Variants in THOC1 observed in about 807,000 individuals in gnomAD.
THOC1 encodes THO complex subunit 1.
THOC1 carries 29 observed loss-of-function variants against 97.3 expected under a neutral mutation model. That is an observed-to-expected ratio of 0.30 (90% CI 0.22 to 0.41). THOC1 has a LOEUF of 0.41. THOC1 is among the 10% of genes least tolerant of loss of function. The pLI is 1.00. For missense variants in THOC1, 529 were observed against 761.9 expected, an observed-to-expected ratio of 0.69 and a Z score of 3.60; for synonymous variants, 255 against 257.0, an observed-to-expected ratio of 0.99 and a Z score of 0.07.
At chr18:251,056 C>A (rs1912262433) in intron 9 of THOC1, among the ~76,000 whole-genome samples, 2 of 152,194 alleles carry the variant, frequency 1.3e-5, no homozygotes, top group African/African-American at 2.4e-5. Context: ...AGACAATATT[C>A]TAAGTGCTTT....
chr18:227,809 C>T (rs1034457838), intron 11 of THOC1, among the ~76,000 whole-genome samples: 35 of 152,060 alleles, frequency 2.3e-4, no homozygotes, highest in Admixed American at 6.6e-5. Context: ...CTGGAAGCGT[C>T]GAAGATTGGT....
chr18:264,466 G>T (rs1173959057), intron 3 of THOC1, among the ~76,000 whole-genome samples: 1 of 152,152 alleles, frequency 6.6e-6, no homozygotes, highest in Non-Finnish European at 1.5e-5. Flanking sequence ...TGTGTCTGAG[G>T]GGTGGTTTTA....
chr18:265,335 G>A lies in THOC1; in HGVS notation c.157C>T (p.Gln53Ter). ...TCTTCTAGAATACCTCTGAAAGCTT[G>A]GTCAAGGGTACATTTTTTTTCATTT... ...SENEKKCTLD[Q>*]AFRGILEEEI... The change falls in exon 3 of 21, where the codon CAA becomes TAA. Residue 53 changes from glutamine to a stop codon, truncating the protein, a stop_gained. Transcript: ENST00000261600. LOFTEE classifies it high-confidence loss of function. 1 of 1,604,170 alleles carries A rather than the reference G, an allele frequency of 6.2e-7. No individual in the cohort carries two copies. The highest frequency in any genetic ancestry group is 8.5e-7 in the Non-Finnish European group (1 of 1,176,830).
chr18:256,635 G>T (rs1175154146), intron 7 of THOC1, among the ~76,000 whole-genome samples: 2 of 152,182 alleles, frequency 1.3e-5, no homozygotes, highest in African/African-American at 4.8e-5. Flanking sequence ...TTTCACTCCT[G>T]TTGCCCAGGC....
chr18:222,227 A>G (rs933662627), intron 17 of THOC1, among the ~76,000 whole-genome samples: 1 of 152,168 alleles, frequency 6.6e-6, no homozygotes, highest in African/African-American at 2.4e-5. Flanking sequence ...AAATAACCCT[A>G]AATAATAATT....
chr18:258,079 G>A (rs1912491254), intron 7 of THOC1, among the ~76,000 whole-genome samples: 1 of 151,698 alleles, frequency 6.6e-6, no homozygotes, highest in Non-Finnish European at 1.5e-5. Flanking sequence ...AAAACTAAAA[G>A]AAAACCAAAG....
chr18:225,985 G>A (rs2236656), intron 12 of THOC1: 5,412 of 152,298 alleles, frequency 0.036, 380 homozygotes, highest in East Asian at 0.32. Context: ...AGAGACTACC[G>A]TGTCTCACTG....
rs372103405 is a variant in THOC1, at chr18:225,324, G to A, written c.1086+13C>T. 5.9e-5 allele frequency: 95 copies of A among 1,612,128 alleles called. 1 individual carries two copies. Among genetic ancestry groups the A allele is most frequent in the Middle Eastern group, 4.9e-4 (3 of 6,078 alleles). Reference sequence around the variant, plus strand: ...ATTTTTTCAATCATGGGTTTGTTGCGTGTTGAACTTACTTGATAAACTGAT... The same window carrying A: ...ATTTTTTCAATCATGGGTTTGTTGCATGTTGAACTTACTTGATAAACTGAT... On this transcript the variant is annotated intron_variant, in intron 13 of 20. Coordinates refer to ENST00000261600, the MANE Select transcript of THOC1 (RefSeq NM_005131.3).
intron 7 of THOC1, among the ~76,000 whole-genome samples, chr18:258,885 T>C (rs1041034245): frequency 6.6e-6 from 1 of 152,116 alleles, no homozygotes; most frequent in African/African-American, 2.4e-5. Context: ...AACACAAAAA[T>C]AGGCATACAT....
intron 18 of THOC1, among the ~76,000 whole-genome samples, chr18:218,289 G>A (rs184261987): frequency 2.0e-4 from 30 of 152,242 alleles, no homozygotes; most frequent in Non-Finnish European, 2.4e-4. Context: ...AGAGGGAATC[G>A]AACCTATGCA....
intron 11 of THOC1, among the ~76,000 whole-genome samples, chr18:236,107 G>C (rs1370828362): frequency 6.6e-6 from 1 of 151,954 alleles, no homozygotes; most frequent in Non-Finnish European, 1.5e-5. Context: ...TGTTATTTAT[G>C]TAGCTTTCTT....
At chr18:249,277 T>C (rs1912198170) in intron 9 of THOC1, among the ~76,000 whole-genome samples, 1 of 152,158 alleles carries the variant, frequency 6.6e-6, no homozygotes, top group Non-Finnish European at 1.5e-5. Context: ...AGGAAAACAA[T>C]GATGTACACA....
At chr18:238,794 A>G (rs1015416102) in intron 11 of THOC1, among the ~76,000 whole-genome samples, 1 of 152,222 alleles carries the variant, frequency 6.6e-6, no homozygotes, top group Non-Finnish European at 1.5e-5. Flanking sequence ...CAATAAAATA[A>G]ATATCAAAAA....
In THOC1 at chr18:226,884, C is replaced by T. The variant is rs1298570321; in HGVS notation, c.936G>A (p.Leu312=). 1.2e-6 allele frequency: 2 copies of T among 1,609,818 alleles called. No individual in the cohort carries two copies. Reference sequence around the variant, plus strand: ...TGTGTCGACGAAAGTTACTGTCACTCAGTTGTAAATCCATCAGCTACTCAA... The same window carrying T: ...TGTGTCGACGAAAGTTACTGTCACTTAGTTGTAAATCCATCAGCTACTCAA... ...LTSEKLMDLQ[L]SDSNFRRHIL... Residue 312 remains leucine (L), a synonymous_variant, in exon 12 of 21, where the codon CTG becomes CTA. Coordinates refer to ENST00000261600, the MANE Select transcript of THOC1 (RefSeq NM_005131.3).
chr18:237,964 T>C (rs895916118), intron 11 of THOC1, among the ~76,000 whole-genome samples: 1 of 152,054 alleles, frequency 6.6e-6, no homozygotes, highest in Non-Finnish European at 1.5e-5. Context: ...CCTCCCAGGT[T>C]CAATGGATCC....
At chr18:239,542 G>A (rs368309841) in intron 11 of THOC1, among the ~76,000 whole-genome samples, 3 of 152,284 alleles carry the variant, frequency 2.0e-5, no homozygotes, top group African/African-American at 7.2e-5. Flanking sequence ...CTGACCTCAA[G>A]TGATCTGTCT....
chr18:260,555 C>T, intron 4 of THOC1: 1 of 267,538 alleles, frequency 3.7e-6, no homozygotes, highest in Non-Finnish European at 6.9e-6. Context: ...ATGTCAGGCA[C>T]ACTAAGTACT....
chr18:238,352 A>C (rs1158706230), intron 11 of THOC1, among the ~76,000 whole-genome samples: 1 of 152,246 alleles, frequency 6.6e-6, no homozygotes, highest in Non-Finnish European at 1.5e-5. Context: ...ACCTGAAGAT[A>C]CAGTCTCAAA....
At chr18:224,681 A>G (rs1911215840) in intron 15 of THOC1, among the ~76,000 whole-genome samples, 1 of 151,428 alleles carries the variant, frequency 6.6e-6, no homozygotes, top group Non-Finnish European at 1.5e-5. Context: ...GTAGATATAC[A>G]GTATTCTTCT....
Sources: allele counts gnomAD v4.1 joint callset (sites outside exome capture counted in the v4.1 genomes callset), GRCh38; gene constraint gnomAD v4.1.1; transcripts MANE v1.5; gene names NCBI Gene and HGNC (gene_info 2026-07-23, HGNC 2026-07-21).